INTS1: variants seen among roughly 807,000 people sequenced by gnomAD.
INTS1 encodes integrator complex subunit 1.
Under a neutral mutation model 241.6 loss-of-function variants are expected in INTS1, and 137 were observed. That is an observed-to-expected ratio of 0.57 (90% CI 0.49 to 0.65). The LOEUF is 0.65. Among genes scored for constraint, INTS1 ranks in the 30% least tolerant of loss-of-function variants. INTS1 has a pLI of 0.00. For synonymous variants in INTS1, 1,692 were observed against 1,337.8 expected (o/e 1.26, Z -5.78); for missense variants, 3,073 against 3,032.2 (o/e 1.01, Z -0.32).
intron 24 of INTS1, 115 bp downstream of exon 24, chr7:1,484,983 G>A (rs966272459): frequency 3.7e-5 from 12 of 328,762 alleles, no homozygotes; most frequent in Middle Eastern, 1.1e-3. Flanking sequence ...GGCTGGCCCC[G>A]TCCCCTCCCC....
At chr7:1,496,736 G>C (rs975464264) in intron 11 of INTS1, among the ~76,000 whole-genome samples, 9 of 152,126 alleles carry the variant, frequency 5.9e-5, no homozygotes, top group Non-Finnish European at 8.8e-5. Flanking sequence ...GCTGCGAGTT[G>C]GCTGCAGGGA....
At chr7:1,491,724 G>C (rs1782556079) in intron 16 of INTS1, among the ~76,000 whole-genome samples, 1 of 152,150 alleles carries the variant, frequency 6.6e-6, no homozygotes, top group African/African-American at 2.4e-5. Flanking sequence ...AATAAAGTGA[G>C]GCCCCATCTC....
intron 25 of INTS1, 27 bp from the exon 26 acceptor site, chr7:1,483,880 C>T (rs1357504545): frequency 6.2e-6 from 10 of 1,600,798 alleles, no homozygotes; most frequent in Admixed American, 5.0e-5. Context: ...GGAGTCAGGC[C>T]GTAAGGTTCA....
rs1584255331 is a variant in INTS1 at position 1,472,927 on chromosome 7, CAGGGGCCAGCCAGCA to C, written c.6070+130_6070+144del. ...AGTGCTTCGTCCCCTTGAGGTGGGTCAGGGGCCAGCCAGCAAGGTCCCAGGCTCACACAGCCCCCA... is the reference window on the plus strand; with the variant it reads ...AGTGCTTCGTCCCCTTGAGGTGGGTCAGGTCCCAGGCTCACACAGCCCCCA... On this transcript the variant is annotated intron_variant, in intron 43 of 47. Coordinates refer to ENST00000404767, the MANE Select transcript of INTS1 (RefSeq NM_001080453.3). 5.3e-6 allele frequency: 3 copies of C among 570,596 alleles called. No individual in the cohort carries two copies. In the East Asian group the frequency reaches 8.8e-5, roughly 17 times the overall value. 35.3% of individuals were successfully genotyped at this position (570,596 alleles called of 1,614,324 possible). A position where few individuals can be genotyped will look rare whatever the true frequency, so the allele number is the denominator to read the frequency against.
intron 35 of INTS1, 104 bp from the exon 36 acceptor site, chr7:1,477,022 C>T: frequency 7.1e-7 from 1 of 1,399,050 alleles, no homozygotes; most frequent in Non-Finnish European, 9.6e-7. Flanking sequence ...AGAGCCGAGG[C>T]TTGGGGTGCT....
At chr7:1,479,343 G>A in intron 31 of INTS1, 87 bp downstream of exon 31, 1 of 1,424,428 alleles carries the variant, frequency 7.0e-7, no homozygotes. Flanking sequence ...GACCCACAGA[G>A]GAGCAGTCAC....
At position 1,486,961 on chromosome 7, in the gene INTS1, G is replaced by A. The variant is rs778699558; in HGVS notation, c.2787C>T (p.Asp929=). ...CCTTCTGCTCCTTGCTCTCGCCCTC[G>A]TCGTCCTCCTCCCCGGAAGCAGCAT... ...VDDAASGEED[D]EGESKEQKAK... Residue 929 remains aspartate, a synonymous_variant, in exon 21 of 48, where the codon GAC becomes GAT. Coordinates refer to ENST00000404767, the MANE Select transcript of INTS1 (RefSeq NM_001080453.3). 4.9e-5 allele frequency: 78 copies of A among 1,607,628 alleles called. No homozygotes were observed. Among genetic ancestry groups the A allele is most frequent in the Non-Finnish European group, 5.4e-5 (64 of 1,179,262 alleles).
Position 1,496,216 on chromosome 7 carries a change from G to A in INTS1, c.1651C>T (p.Leu551=), listed in dbSNP as rs1280662015. 1.4e-5 allele frequency: 23 copies of A among 1,613,744 alleles called. No individual in the cohort carries two copies. The highest frequency in any genetic ancestry group is 2.2e-5 in the South Asian group (2 of 91,092). ...ITDVLAVSMM[L]GITAQVKEAG... is the part of the protein sequence containing the mutation. Reference sequence around the variant, plus strand: ...TCCTTCACCTGCGCTGTGATGCCCAGCATCATGGACACGGCCAGGACGTCG... The same window carrying A: ...TCCTTCACCTGCGCTGTGATGCCCAACATCATGGACACGGCCAGGACGTCG... The change falls in exon 12 of 48, where the codon CTG becomes TTG. Residue 551 remains leucine, a synonymous_variant. Transcript: ENST00000404767.
chr7:1,487,519 C>T (rs984616118), intron 19 of INTS1, 70 bp from the exon 20 acceptor site: 67 of 1,533,606 alleles, frequency 4.4e-5, no homozygotes, highest in Non-Finnish European at 5.5e-5. Flanking sequence ...CCTCCTCCTC[C>T]CATCCCTGCT....
rs1783058220 is a variant in INTS1 at position 1,499,652 on chromosome 7, T to A, written c.685-20A>T. The A allele has an allele frequency of 1.3e-6, 2 of 1,580,416 alleles. No homozygotes were observed. Among genetic ancestry groups the A allele is most frequent in the Non-Finnish European group, 8.6e-7 (1 of 1,156,750 alleles). On this transcript the variant is annotated intron_variant, in intron 5 of 47. Coordinates refer to ENST00000404767, the MANE Select transcript of INTS1 (RefSeq NM_001080453.3). ...GTACACCTGTGTGGCAGCCACACCC[T>A]CAGCCCCGAGCCCAGCCGGGCAGCA... is the stretch of plus-strand genomic sequence containing the variant.
Position 1,485,291 on chromosome 7 carries a change from T to A in INTS1, c.3155A>T (p.Gln1052Leu), listed in dbSNP as rs1203295040. Reference protein sequence around the residue: ...VRSTTALALQQAIHMETDPQT... With the variant: ...VRSTTALALQLAIHMETDPQT... ...CGCGGCCCCGGTCAGCGCCCTCACC[T>A]GCTGCAGGGCCAGGGCTGTGGTGCT... is the stretch of plus-strand genomic sequence containing the variant. Residue 1052 changes from glutamine (Q) to leucine (L), a missense_variant and splice_region_variant, in exon 23 of 48, where the codon CAG becomes CTG. Physicochemically the swap from Gln to Leu is moderately radical, Grantham distance 113. Transcript: ENST00000404767. The A allele has an allele frequency of 6.2e-7, 1 of 1,605,988 alleles. No homozygotes were observed. The highest frequency in any genetic ancestry group is 2.2e-5 in the East Asian group (1 of 44,796).
chr7:1,484,082 A>G lies in INTS1; in HGVS notation c.3350T>C (p.Leu1117Pro). The G allele has an allele frequency of 1.9e-6, 3 of 1,612,606 alleles. No homozygotes were observed. The highest frequency in any genetic ancestry group is 2.5e-6 in the Non-Finnish European group (3 of 1,179,772). Reference sequence around the variant, plus strand: ...TGAGAAGATGGACAACAGAGCGCTCAGCACGGCGTCCGACGCGGCACTCGG... The same window carrying G: ...TGAGAAGATGGACAACAGAGCGCTCGGCACGGCGTCCGACGCGGCACTCGG... ...LSPSAASDAV[L>P]SALLSIFSRY... The change falls in exon 25 of 48, where the codon CTG (leucine) becomes CCG (proline). Residue 1117 changes from leucine to proline, a missense_variant. Leu to Pro is a moderately conservative substitution (Grantham distance 98). Transcript: ENST00000404767.
At chr7:1,499,685 TG>T in intron 5 of INTS1, 53 bp from the exon 6 acceptor site, 2 of 1,549,908 alleles carry the variant, frequency 1.3e-6, no homozygotes, top group Non-Finnish European at 1.8e-6. Context: ...GCAGCCAGGT[TG>T]GGGAACACCC....
rs771214304 is a variant in INTS1 at position 1,500,254 on chromosome 7, G to T, written c.462C>A (p.Ala154=). 2.5e-6 allele frequency: 4 copies of T among 1,604,418 alleles called. No individual in the cohort carries two copies. The South Asian group carries it at 3.4e-5, about 13-fold the overall frequency. ...TCAGGTAGAGGGTGCTGTCAGGCTT[G>T]GCGCGGGTGACCTTCAGCTGCTTCA... ...GAVKQLKVTR[A]KPDSTLYLSL... is the part of the protein sequence containing the mutation. Residue 154 remains alanine (A), a synonymous_variant, in exon 4 of 48, where the codon GCC becomes GCA. Coordinates refer to ENST00000404767, the MANE Select transcript of INTS1 (RefSeq NM_001080453.3).
At position 1,482,847 on chromosome 7, in the gene INTS1, G is replaced by A; in HGVS notation, c.3542-140C>T. On this transcript the variant is annotated intron_variant, in intron 26 of 47. Coordinates refer to ENST00000404767, the MANE Select transcript of INTS1 (RefSeq NM_001080453.3). ...GAGGAGCACGGGGCTCCTGTGCTAGGTGAGCACTTGCTATGTGCGGATGCT... is the reference window on the plus strand; with the variant it reads ...GAGGAGCACGGGGCTCCTGTGCTAGATGAGCACTTGCTATGTGCGGATGCT... 5 of 952,438 alleles carry A rather than the reference G, an allele frequency of 5.2e-6. No individual in the cohort carries two copies. The South Asian group carries it at 6.4e-5, about 12-fold the overall frequency. 59.0% of individuals were successfully genotyped at this position (952,438 alleles called of 1,614,324 possible). A position where few individuals can be genotyped will look rare whatever the true frequency, so the allele number is the denominator to read the frequency against.
chr7:1,478,267 G>T, intron 33 of INTS1, 99 bp downstream of exon 33: 1 of 1,339,180 alleles, frequency 7.5e-7, no homozygotes, highest in Non-Finnish European at 1.0e-6. Flanking sequence ...ACAGTGCTGA[G>T]CAGACACTGT....
rs1233463868 is a variant in INTS1, at chr7:1,495,477, C to T, written c.1788G>A (p.Val596=). The T allele has an allele frequency of 1.2e-6, 2 of 1,612,550 alleles. No individual in the cohort carries two copies. Among genetic ancestry groups the T allele is most frequent in the Non-Finnish European group, 1.7e-6 (2 of 1,179,734 alleles). ...GGGCGAGCTTGCTGATGGAGGGGAC[C>T]ACAGTGTGGAGCCACCAGACGGCAT... ...QRDAVWWLHT[V]VPSISKLAPK... The change falls in exon 13 of 48, where the codon GTG becomes GTA. Residue 596 remains valine, a synonymous_variant. Coordinates refer to ENST00000404767, the MANE Select transcript of INTS1 (RefSeq NM_001080453.3).
rs6958971 is a variant in INTS1, at chr7:1,493,493, T to G, written c.2068+261A>C. On this transcript the variant is annotated intron_variant, in intron 15 of 47. Coordinates refer to ENST00000404767, the MANE Select transcript of INTS1 (RefSeq NM_001080453.3). This position sits in a 1 kb window ranked among gnomAD's most constrained non-coding sequence, Gnocchi z 5.3. ...GACAGGAAATCTGGCCGTGGCCAAA[T>G]CACACCGAGAATGCCAATTCCAAAA... Among the ~76,000 whole-genome samples, 5,285 of 151,948 alleles carry G rather than the reference T, an allele frequency of 0.035. 312 individuals carry two copies. Among genetic ancestry groups the G allele is most frequent in the African/African-American group, 0.12 (5,009 of 41,428 alleles).
intron 22 of INTS1, 105 bp from the exon 23 acceptor site, chr7:1,485,574 T>A (rs558495764): frequency 2.5e-6 from 3 of 1,222,278 alleles, no homozygotes; most frequent in South Asian, 3.0e-5. Context: ...CCGAGGAGAA[T>A]GTGGCGCTTG....
Sources: allele counts gnomAD v4.1 joint callset (sites outside exome capture counted in the v4.1 genomes callset), GRCh38; gene constraint gnomAD v4.1.1; non-coding constraint Gnocchi (gnomAD v3.1); transcripts MANE v1.5; gene names NCBI Gene and HGNC (gene_info 2026-07-23, HGNC 2026-07-21).